CEP164: variants seen among roughly 807,000 people sequenced by gnomAD.
CEP164 encodes centrosomal protein 164.
In CEP164, 162 loss-of-function variants were observed where a neutral mutation model predicts 182.7. That is an observed-to-expected ratio of 0.89 (90% CI 0.78 to 1.01). The LOEUF (loss-of-function observed/expected upper bound fraction) is 1.01, where lower values mean the gene tolerates loss of function less well. Ranked by LOEUF, CEP164 falls within the 50% of genes least tolerant of loss-of-function variation. The pLI is 0.00. For synonymous variants in CEP164, 661 were observed against 690.0 expected (o/e 0.96, Z 0.66); for missense variants, 1,735 against 1,790.4 (o/e 0.97, Z 0.56).
At chr11:117,359,459 T>C in intron 5 of CEP164, 3 of 985,366 alleles carry the variant, frequency 3.0e-6, no homozygotes, top group Non-Finnish European at 3.6e-6. Context: ...CTGCAGAAGC[T>C]CAGGAGTGTC....
chr11:117,334,763 TGACA>T (rs1337129982), intron 1 of CEP164, among the ~76,000 whole-genome samples: 1 of 127,244 alleles, frequency 7.9e-6, no homozygotes, highest in African/African-American at 3.0e-5. Flanking sequence ...CCAGCCTGGG[TGACA>T]GACTGAGACT....
At chr11:117,387,477 C>G (rs986339743) in intron 15 of CEP164, 65 bp downstream of exon 15, 3 of 1,513,678 alleles carry the variant, frequency 2.0e-6, no homozygotes, top group Admixed American at 1.8e-5. Flanking sequence ...CCAGGGACAC[C>G]CTCTTAGCCT....
chr11:117,353,912 C>T (rs2039975297), intron 5 of CEP164, among the ~76,000 whole-genome samples: 1 of 152,114 alleles, frequency 6.6e-6, no homozygotes, highest in Non-Finnish European at 1.5e-5. Flanking sequence ...ACTGAGTTTT[C>T]AAGTCTCGGG....
intron 11 of CEP164, 68 bp downstream of exon 11, chr11:117,375,859 A>T: frequency 7.3e-7 from 1 of 1,373,268 alleles, no homozygotes; most frequent in Non-Finnish European, 1.0e-6. Context: ...CGGATGACCC[A>T]GAACTGAGCC....
intron 1 of CEP164, among the ~76,000 whole-genome samples, chr11:117,329,735 T>G (rs2134632086): frequency 6.6e-6 from 1 of 151,986 alleles, no homozygotes. Flanking sequence ...AGAGACGGGG[T>G]TTCACCATGT....
At chr11:117,403,939 T>C (rs1183203289) in intron 27 of CEP164, among the ~76,000 whole-genome samples, 1 of 151,970 alleles carries the variant, frequency 6.6e-6, no homozygotes, top group Non-Finnish European at 1.5e-5. Flanking sequence ...TCTGCTTGAT[T>C]GATGCAGCTA....
rs1221064115 is a variant in CEP164 at position 117,383,036 on chromosome 11, A to G, written c.1724+94A>G. On this transcript the variant is annotated intron_variant, in intron 14 of 32. Transcript: ENST00000278935. ...TCTTGGGTGGTGGGAGGTGGGGCTC[A>G]GGCTCTGGCCAAGGGTTAGAGTGTA... 6.3e-6 allele frequency: 9 copies of G among 1,419,000 alleles called. No homozygotes were observed. The East Asian group carries it at 9.6e-5, about 15-fold the overall frequency. The allele number at this position is 1,419,000 out of a possible 1,614,324, so 87.9% of individuals were successfully genotyped here. A position where few individuals can be genotyped will look rare whatever the true frequency, so the allele number is the denominator to read the frequency against.
At chr11:117,407,904 C>G (rs1207176977) in intron 27 of CEP164, 21 bp from the exon 28 acceptor site, 2 of 1,559,038 alleles carry the variant, frequency 1.3e-6, no homozygotes, top group Non-Finnish European at 1.7e-6. Context: ...CATTTCTCCT[C>G]TGTTTTCTCC....
rs2136244394 is a variant in CEP164 at position 117,387,209 on chromosome 11, C to G, written c.1731C>G (p.Ser577=). 2 of 1,614,064 alleles carry G rather than the reference C, an allele frequency of 1.2e-6. No homozygotes were observed. The highest frequency in any genetic ancestry group is 4.5e-5 in the East Asian group (2 of 44,872). The stretch of plus-strand genomic sequence containing the variant: ...CATTCCCCACCCATGGTAGGCGATC[C>G]ACAGAGCCTGTGGCTCCCCCAGAGC... ...PTPPVSPEVR[S]TEPVAPPEQL... Residue 577 remains serine (S), a synonymous_variant, in exon 15 of 33, where the codon TCC becomes TCG. Coordinates refer to ENST00000278935, the MANE Select transcript of CEP164 (RefSeq NM_014956.5).
rs942436975 is a variant in CEP164, at chr11:117,407,983, A to G, written c.3560A>G (p.Lys1187Arg). The part of the protein sequence containing the change: ...SAMRKGHNLL[K>R]KKEEKLNQLE... ...ATGCGGAAAGGCCACAACCTGCTGA[A>G]GAAGAAAGAGGAGAAGCTGAATCAG... Residue 1187 changes from lysine to arginine, a missense_variant, in exon 28 of 33, where the codon AAG (lysine) becomes AGG (arginine). Lys to Arg is a conservative substitution (Grantham distance 26). Coordinates refer to ENST00000278935, the MANE Select transcript of CEP164 (RefSeq NM_014956.5). 1.9e-6 allele frequency: 3 copies of G among 1,602,426 alleles called. No individual in the cohort carries two copies. Among genetic ancestry groups the G allele is most frequent in the Non-Finnish European group, 2.6e-6 (3 of 1,174,514 alleles).
intron 7 of CEP164, 46 bp from the exon 8 acceptor site, chr11:117,363,383 G>T (rs201838344): frequency 2.1e-6 from 3 of 1,439,606 alleles, no homozygotes; most frequent in East Asian, 2.3e-5. Flanking sequence ...ACCCTGGGTT[G>T]ACCAGTTTCT....
intron 4 of CEP164, among the ~76,000 whole-genome samples, chr11:117,345,620 C>T (rs925495521): frequency 1.3e-5 from 2 of 148,472 alleles, no homozygotes; most frequent in African/African-American, 4.9e-5. Context: ...TTACAGTTGT[C>T]GCCTTACTGT....
chr11:117,354,930 A>G (rs747461201), intron 5 of CEP164: 2 of 1,278,032 alleles, frequency 1.6e-6, no homozygotes, highest in Non-Finnish European at 2.0e-6. Context: ...ATACCCATCT[A>G]GGAAACGCAG....
chr11:117,384,104 CT>C (rs1388854250), intron 14 of CEP164, among the ~76,000 whole-genome samples: 1 of 152,230 alleles, frequency 6.6e-6, no homozygotes, highest in African/African-American at 2.4e-5. Context: ...GCCACTGTTC[CT>C]TTTCTCTGCA....
chr11:117,408,785 AAAG>A lies in CEP164; in HGVS notation c.3610-99_3610-97del. 5 of 1,431,462 alleles carry A rather than the reference AAAG, an allele frequency of 3.5e-6. No homozygotes were observed. The East Asian group carries it at 6.9e-5, about 20-fold the overall frequency. 88.7% of individuals were successfully genotyped at this position (1,431,462 alleles called of 1,614,324 possible). A position where few individuals can be genotyped will look rare whatever the true frequency, so the allele number is the denominator to read the frequency against. On this transcript the variant is annotated intron_variant, in intron 28 of 32. Transcript: ENST00000278935. ...GAAAACCAGCTTAAAGACAAAACAT[AAAG>A]AAGAACCTAGCTCAGTGTCCCAGCC...
intron 27 of CEP164, among the ~76,000 whole-genome samples, chr11:117,405,450 C>T (rs889873116): frequency 6.6e-6 from 1 of 152,138 alleles, no homozygotes; most frequent in Admixed American, 6.5e-5. Context: ...GCGACACCCA[C>T]CTTGTTTTGG....
intron 1 of CEP164, among the ~76,000 whole-genome samples, chr11:117,329,240 G>T (rs2035812363): frequency 1.3e-5 from 2 of 152,022 alleles, no homozygotes. Context: ...GGGACTACAG[G>T]CATGCACCAC....
intron 27 of CEP164, among the ~76,000 whole-genome samples, chr11:117,398,425 G>C (rs1416982061): frequency 6.6e-6 from 1 of 152,152 alleles, no homozygotes; most frequent in Non-Finnish European, 1.5e-5. Flanking sequence ...GAGGACGGTG[G>C]CCCTCTTCTC....
At position 117,344,266 on chromosome 11, in the gene CEP164, G is replaced by A. The variant is rs745920052; in HGVS notation, c.183G>A (p.Glu61=). 5.6e-6 allele frequency: 9 copies of A among 1,612,322 alleles called. No individual in the cohort carries two copies. The Admixed American group carries it at 8.4e-5, about 15-fold the overall frequency. Residue 61 remains glutamate (E), a synonymous_variant, in exon 4 of 33, where the codon GAG becomes GAA. Transcript: ENST00000278935. ...GCATCGTGGCCCCACTGCCTGGAGA[G>A]TGGAAACCATGGTAAGTCAGCAGGG... ...REGIVAPLPG[E]WKPCQDITGD...
Sources: gnomAD v4.1 joint callset for allele counts (sites outside exome capture counted in the v4.1 genomes callset) on GRCh38, gnomAD v4.1.1 for gene constraint, MANE v1.5 for transcripts, NCBI Gene and HGNC (gene_info 2026-07-23, HGNC 2026-07-21) for gene names.